The following D2HGDH variants were observed in gnomAD, a reference collection of about 807,000 sequenced individuals.
D2HGDH encodes the protein D-2-hydroxyglutarate dehydrogenase.
Under a neutral mutation model 46.9 loss-of-function variants are expected in D2HGDH, and 31 were observed. The observed-to-expected ratio is 0.66, with a 90% confidence interval of 0.50 to 0.89. D2HGDH has a LOEUF of 0.89. Ranked by LOEUF, D2HGDH falls within the 40% of genes least tolerant of loss-of-function variation. The pLI is 0.00. For missense variants in D2HGDH, 698 were observed against 720.8 expected (o/e 0.97, Z 0.36); for synonymous variants, 364 against 332.6 (o/e 1.09, Z -1.03).
In D2HGDH at chr2:241,743,388, C is replaced by T. The variant is rs1025775171; in HGVS notation, c.491-234C>T. On this transcript the variant is annotated intron_variant, in intron 4 of 9. Coordinates refer to ENST00000321264, the MANE Select transcript of D2HGDH (RefSeq NM_152783.5). The surrounding 1 kb of genome is among the most constrained non-coding windows in gnomAD (Gnocchi z 4.8). ...GTGTGGGGGTGGGAAGTTTTTTCCT[C>T]TCTTTTCATGTTACTCATTTTTTTT... Among the ~76,000 whole-genome samples the T allele has an allele frequency of 2.6e-5, 4 of 152,198 alleles. No homozygotes were observed. Among genetic ancestry groups the T allele is most frequent in the Non-Finnish European group, 4.4e-5 (3 of 68,020 alleles).
chr2:241,745,013 C>G (rs1357660394), intron 6 of D2HGDH, 136 bp downstream of exon 6: 1 of 1,197,486 alleles, frequency 8.4e-7, no homozygotes, highest in Non-Finnish European at 1.2e-6. Flanking sequence ...CTCCTGACAT[C>G]TCTGCTTCCA....
chr2:241,767,995 C>T lies in D2HGDH; in HGVS notation c.*26C>T, dbSNP rs141211991. ...CGGCCACTCCTGCTGCTGCCAAGGC[C>T]CACTGGGGGTCGGCGGGTGGCTCTC... is the stretch of plus-strand genomic sequence containing the variant. On this transcript the variant is annotated 3_prime_UTR_variant, in exon 10 of 10. Coordinates refer to ENST00000321264, the MANE Select transcript of D2HGDH (RefSeq NM_152783.5). 8.6e-3 allele frequency: 13,535 copies of T among 1,569,164 alleles called. 82 individuals are homozygous for T. The highest frequency in any genetic ancestry group is 0.01 in the Middle Eastern group (51 of 4,876).
Position 241,742,360 on chromosome 2 carries a change from C to G in D2HGDH, c.351-75C>G. On this transcript the variant is annotated intron_variant, in intron 3 of 9. Coordinates refer to ENST00000321264, the MANE Select transcript of D2HGDH (RefSeq NM_152783.5). This position sits in a 1 kb window ranked among gnomAD's most constrained non-coding sequence, Gnocchi z 4.8. The stretch of plus-strand genomic sequence containing the variant: ...TCAGGATTTGGAGTCAGGCACTGGT[C>G]CTGCGGCGTGTCCTTGGGGATGGTG... The G allele has an allele frequency of 9.9e-6, 15 of 1,520,650 alleles. No homozygotes were observed. Among genetic ancestry groups the G allele is most frequent in the Non-Finnish European group, 1.2e-5 (14 of 1,126,476 alleles). The allele number at this position is 1,520,650 out of a possible 1,614,324, so 94.2% of individuals were successfully genotyped here. A position where few individuals can be genotyped will look rare whatever the true frequency, so the allele number is the denominator to read the frequency against.
At chr2:241,747,504 G>A (rs1696167889) in intron 6 of D2HGDH, among the ~76,000 whole-genome samples, 1 of 151,212 alleles carries the variant, frequency 6.6e-6, no homozygotes, top group African/African-American at 2.4e-5. Context: ...TCAGTGTAGG[G>A]CTGTGTCGGG....
chr2:241,759,270 G>T (rs149026889), intron 9 of D2HGDH, among the ~76,000 whole-genome samples: 3,483 of 152,268 alleles, frequency 0.023, 251 homozygotes, highest in East Asian at 0.18. Flanking sequence ...CCTGAGGGAG[G>T]TGTTAGAAAT....
At chr2:241,755,748 G>A (rs775214322) in intron 8 of D2HGDH, 101 bp from the exon 9 acceptor site, 1 of 1,610,474 alleles carries the variant, frequency 6.2e-7, no homozygotes, top group Non-Finnish European at 8.5e-7. Flanking sequence ...ACCTGGTGAA[G>A]ATACAGAACA....
intron 6 of D2HGDH, among the ~76,000 whole-genome samples, chr2:241,746,213 C>T (rs557843166): frequency 6.6e-6 from 1 of 152,056 alleles, no homozygotes; most frequent in Non-Finnish European, 1.5e-5. Flanking sequence ...CTTAATCTCC[C>T]CTCCATATTG....
intron 2 of D2HGDH, among the ~76,000 whole-genome samples, chr2:241,739,747 T>G (rs566717946): frequency 6.6e-6 from 1 of 152,264 alleles, no homozygotes. Flanking sequence ...CCAAGACTTA[T>G]AGCCCAGTGA....
rs1490043957 is a variant in D2HGDH at position 241,735,231 on chromosome 2, C to T, written c.7C>T (p.Pro3Ser). The change falls in exon 2 of 10, where the codon CCC (proline) becomes TCC (serine). Residue 3 changes from proline to serine, a missense_variant. Transcript: ENST00000321264. The part of the protein sequence containing the change: ML[P>S]RRPLAWPAWL... Reference sequence around the variant, plus strand: ...GGTCTCCGTCCCGGCGGCGATGCTGCCCCGTCGGCCTCTGGCGTGGCCCGC... The same window carrying T: ...GGTCTCCGTCCCGGCGGCGATGCTGTCCCGTCGGCCTCTGGCGTGGCCCGC... The T allele has an allele frequency of 3.3e-6, 5 of 1,513,070 alleles. 1 individual carries two copies. In the East Asian group the frequency reaches 1.0e-4, roughly 32 times the overall value. The allele number at this position is 1,513,070 out of a possible 1,614,324, so 93.7% of individuals were successfully genotyped here. A position where few individuals can be genotyped will look rare whatever the true frequency, so the allele number is the denominator to read the frequency against.
intron 9 of D2HGDH, among the ~76,000 whole-genome samples, chr2:241,758,294 C>T (rs960562956): frequency 1.3e-5 from 2 of 152,112 alleles, no homozygotes; most frequent in African/African-American, 2.4e-5. Flanking sequence ...GCCAGTGGAG[C>T]TGTTTGGGCC....
At position 241,756,027 on chromosome 2, in the gene D2HGDH, C is replaced by T. The variant is rs765985978; in HGVS notation, c.1306+13C>T. ...TATGGCCACCTTGGTGAGCGGCGCC[C>T]CGGGGCCGCGGCCCTGTGTGTGCTG... On this transcript the variant is annotated intron_variant, in intron 9 of 9. Transcript: ENST00000321264. 5.7e-6 allele frequency: 9 copies of T among 1,591,158 alleles called. No individual in the cohort carries two copies. Among genetic ancestry groups the T allele is most frequent in the Non-Finnish European group, 6.9e-6 (8 of 1,164,614 alleles).
At chr2:241,746,000 TTCTAAAG>T (rs569259671) in intron 6 of D2HGDH, among the ~76,000 whole-genome samples, 11 of 152,208 alleles carry the variant, frequency 7.2e-5, no homozygotes, top group Admixed American at 1.3e-4. Flanking sequence ...CTTTCTGATC[TTCTAAAG>T]TTTTCAGTGT....
chr2:241,747,771 C>T (rs1349510248), intron 6 of D2HGDH, among the ~76,000 whole-genome samples: 1 of 152,110 alleles, frequency 6.6e-6, no homozygotes, highest in Non-Finnish European at 1.5e-5. Flanking sequence ...CCATGATGCC[C>T]AGGCTGGTCT....
intron 8 of D2HGDH, 31 bp downstream of exon 8, chr2:241,751,419 T>C (rs1473951575): frequency 5.0e-6 from 8 of 1,611,062 alleles, no homozygotes; most frequent in South Asian, 4.4e-5. Context: ...AGGTCCCCGC[T>C]CTCTGTCCGT....
At chr2:241,747,496 A>C (rs1696165170) in intron 6 of D2HGDH, among the ~76,000 whole-genome samples, 1 of 150,306 alleles carries the variant, frequency 6.7e-6, no homozygotes, top group Admixed American at 6.6e-5. Context: ...GTAGCAAGTC[A>C]GTGTAGGGCT....
At chr2:241,757,531 T>G (rs568099599) in intron 9 of D2HGDH, among the ~76,000 whole-genome samples, 2 of 151,272 alleles carry the variant, frequency 1.3e-5, no homozygotes, top group East Asian at 1.9e-4. Context: ...GGGTACGGGA[T>G]CCCCAATATT....
At position 241,742,737 on chromosome 2, in the gene D2HGDH, C is replaced by T. The variant is rs888079966; in HGVS notation, c.490+163C>T. Among the ~76,000 whole-genome samples the T allele has an allele frequency of 2.6e-5, 4 of 152,210 alleles. No individual in the cohort carries two copies. The highest frequency in any genetic ancestry group is 5.9e-5 in the Non-Finnish European group (4 of 68,022). On this transcript the variant is annotated intron_variant, in intron 4 of 9. Coordinates refer to ENST00000321264, the MANE Select transcript of D2HGDH (RefSeq NM_152783.5). This position sits in a 1 kb window ranked among gnomAD's most constrained non-coding sequence, Gnocchi z 4.8. ...GTAGCCTGGCCGCCTAGCCCCACCT[C>T]GCCCGGCCCCTCCAGACATGCGTGC... is the stretch of plus-strand genomic sequence containing the variant.
At chr2:241,746,765 G>C (rs1040144823) in intron 6 of D2HGDH, among the ~76,000 whole-genome samples, 2 of 151,966 alleles carry the variant, frequency 1.3e-5, no homozygotes, top group Non-Finnish European at 2.9e-5. Context: ...GTGGACGCCT[G>C]TAATCCCAGC....
At chr2:241,752,346 T>A (rs1168682466) in intron 8 of D2HGDH, among the ~76,000 whole-genome samples, 1 of 152,086 alleles carries the variant, frequency 6.6e-6, no homozygotes, top group Non-Finnish European at 1.5e-5. Context: ...TGTGGTGCCA[T>A]CTCTGTTGAC....
Sources: allele counts gnomAD v4.1 joint callset (sites outside exome capture counted in the v4.1 genomes callset), GRCh38; gene constraint gnomAD v4.1.1; non-coding constraint Gnocchi (gnomAD v3.1); transcripts MANE v1.5; gene names NCBI Gene and HGNC (gene_info 2026-07-23, HGNC 2026-07-21).